Variants in ZCCHC7 observed in about 807,000 individuals in gnomAD.
ZCCHC7 encodes zinc finger CCHC-type containing 7, also known as zinc finger CCHC domain-containing protein 7.
In ZCCHC7, 35 loss-of-function variants were observed where a neutral mutation model predicts 52.0. That is an observed-to-expected ratio of 0.67 (90% confidence interval 0.51 to 0.89). The LOEUF (loss-of-function observed/expected upper bound fraction) is 0.89, where lower values mean the gene tolerates loss of function less well. Among genes scored for constraint, ZCCHC7 ranks in the 40% least tolerant of loss-of-function variants. The pLI is 0.00. For missense variants in ZCCHC7, 574 were observed against 649.1 expected (o/e 0.88, Z 1.26); for synonymous variants, 217 against 221.5 (o/e 0.98, Z 0.18).
intron 2 of ZCCHC7, among the ~76,000 whole-genome samples, chr9:37,228,930 GGTTCAAGCA>G (rs200515714): frequency 0.14 from 20,299 of 150,312 alleles, 1,672 homozygotes; most frequent in Non-Finnish European, 0.17. Flanking sequence ...CTGCCTCCCA[GGTTCAAGCA>G]GTTCTCCTGC....
intron 5 of ZCCHC7, among the ~76,000 whole-genome samples, chr9:37,310,741 A>G (rs1047677531): frequency 6.6e-6 from 1 of 152,090 alleles, no homozygotes; most frequent in East Asian, 1.9e-4. Context: ...CAACTTTAAT[A>G]TAACACTCAT....
At chr9:37,222,276 A>C (rs1423216488) in intron 2 of ZCCHC7, among the ~76,000 whole-genome samples, 3 of 151,594 alleles carry the variant, frequency 2.0e-5, no homozygotes, top group Non-Finnish European at 4.4e-5. Flanking sequence ...TAAGCTTATA[A>C]CAGTTAAGAT....
intron 2 of ZCCHC7, among the ~76,000 whole-genome samples, chr9:37,271,638 C>G (rs942879127): frequency 6.6e-6 from 1 of 152,180 alleles, no homozygotes; most frequent in Non-Finnish European, 1.5e-5. Context: ...GGCACAATCT[C>G]GGCTCACTGC....
intron 7 of ZCCHC7, among the ~76,000 whole-genome samples, chr9:37,350,392 A>G (rs1359096253): frequency 1.3e-5 from 2 of 152,092 alleles, no homozygotes; most frequent in African/African-American, 4.8e-5. Context: ...TCGGCCTCCA[A>G]AAGTGTTGGG....
chr9:37,127,015 A>G (rs1244090293), intron 2 of ZCCHC7, 73 bp downstream of exon 2: 17 of 1,532,602 alleles, frequency 1.1e-5, no homozygotes, highest in Non-Finnish European at 1.5e-5. Flanking sequence ...TAGAGAAAAG[A>G]CCAATAGGGT....
At chr9:37,346,378 A>T (rs79845619) in intron 6 of ZCCHC7, among the ~76,000 whole-genome samples, 2 of 152,152 alleles carry the variant, frequency 1.3e-5, no homozygotes, top group Non-Finnish European at 2.9e-5. Flanking sequence ...ACCTGTTTGC[A>T]ACATTAAAAA....
chr9:37,231,918 T>A (rs1303272608), intron 2 of ZCCHC7, among the ~76,000 whole-genome samples: 2 of 152,224 alleles, frequency 1.3e-5, no homozygotes, highest in South Asian at 2.1e-4. Flanking sequence ...ATTCTTAGGA[T>A]CTTTTCACTG....
intron 7 of ZCCHC7, 45 bp downstream of exon 7, chr9:37,349,497 G>A: frequency 6.4e-7 from 1 of 1,559,542 alleles, no homozygotes; most frequent in Non-Finnish European, 8.8e-7. Context: ...TGTTGTCAGG[G>A]AGTGTTTTCT....
chr9:37,257,899 C>A (rs1564207044), intron 2 of ZCCHC7, among the ~76,000 whole-genome samples: 1 of 152,102 alleles, frequency 6.6e-6, no homozygotes, highest in Non-Finnish European at 1.5e-5. Flanking sequence ...ACCAAATAAA[C>A]CCTCTTTTCT....
At chr9:37,309,210 C>CT (rs1445175874) in intron 5 of ZCCHC7, among the ~76,000 whole-genome samples, 1 of 152,166 alleles carries the variant, frequency 6.6e-6, no homozygotes, top group East Asian at 1.9e-4. Context: ...AGCCTGGGCT[C>CT]TACTGACTCC....
chr9:37,199,560 T>C, intron 2 of ZCCHC7, among the ~76,000 whole-genome samples: 1 of 152,002 alleles, frequency 6.6e-6, no homozygotes, highest in East Asian at 1.9e-4. Flanking sequence ...CTCGAACTCC[T>C]GACTTCAGGT....
intron 5 of ZCCHC7, 60 bp downstream of exon 5, chr9:37,305,774 T>C (rs1336746241): frequency 4.4e-6 from 7 of 1,578,638 alleles, no homozygotes; most frequent in Non-Finnish European, 6.1e-6. Flanking sequence ...AAGTTTGTAA[T>C]TAATGTGCAA....
chr9:37,226,173 T>G lies in ZCCHC7; in HGVS notation c.611-76015T>G, dbSNP rs73448474. The stretch of plus-strand genomic sequence containing the variant: ...TAGCAACAAACAATTGGAACTTGAA[T>G]TTTTAAATATGCCATTTTCACAGTA... On this transcript the variant is annotated intron_variant, in intron 2 of 8. Transcript: ENST00000336755. 4.3e-3 allele frequency among the ~76,000 whole-genome samples: 655 copies of G among 152,318 alleles called. 3 individuals carry two copies. The highest frequency in any genetic ancestry group is 0.015 in the African/African-American group (626 of 41,576).
chr9:37,276,051 A>C (rs572944216), intron 2 of ZCCHC7, among the ~76,000 whole-genome samples: 1 of 152,348 alleles, frequency 6.6e-6, no homozygotes, highest in South Asian at 2.1e-4. Flanking sequence ...TGATATTGTT[A>C]GTATTCTTAA....
At chr9:37,155,077 C>T (rs1036445662) in intron 2 of ZCCHC7, among the ~76,000 whole-genome samples, 28 of 151,976 alleles carry the variant, frequency 1.8e-4, no homozygotes, top group Non-Finnish European at 2.8e-4. Context: ...TTAAAGATGG[C>T]GGGCGGGGTG....
At chr9:37,337,906 AG>A (rs1830752229) in intron 6 of ZCCHC7, among the ~76,000 whole-genome samples, 1 of 152,210 alleles carries the variant, frequency 6.6e-6, no homozygotes, top group South Asian at 2.1e-4. Flanking sequence ...AAATTAAAAT[AG>A]ACGGAGGGAT....
intron 1 of ZCCHC7, among the ~76,000 whole-genome samples, chr9:37,123,555 C>T (rs1368637665): frequency 6.6e-6 from 1 of 152,178 alleles, no homozygotes; most frequent in Non-Finnish European, 1.5e-5. Context: ...GGCATACATT[C>T]ACAGGTGTGC....
intron 2 of ZCCHC7, among the ~76,000 whole-genome samples, chr9:37,268,938 T>C (rs559874758): frequency 3.7e-4 from 56 of 152,338 alleles, no homozygotes; most frequent in African/African-American, 1.3e-3. Flanking sequence ...AACAGTAGTA[T>C]GAGAGTGTAT....
chr9:37,163,385 C>CAAAA lies in ZCCHC7; in HGVS notation c.610+36459_610+36462dup, dbSNP rs1022187626. ...CCTGGGTGACAGCAAGACTCCATCT[C>CAAAA]AAAAAAAAAAAAAAAAAAAGAAAAG... is the stretch of plus-strand genomic sequence containing the variant. On this transcript the variant is annotated intron_variant, in intron 2 of 8. Transcript: ENST00000336755. Among the ~76,000 whole-genome samples the CAAAA allele has an allele frequency of 9.5e-4, 73 of 77,068 alleles. No homozygotes were observed. The Middle Eastern group carries it at 0.019, about 21-fold the overall frequency. The allele number at this position is 77,068 out of a possible 152,430, so 50.6% of individuals were successfully genotyped here.
Sources: allele counts gnomAD v4.1 joint callset (sites outside exome capture counted in the v4.1 genomes callset), GRCh38; gene constraint gnomAD v4.1.1; transcripts MANE v1.5; gene names NCBI Gene and HGNC (gene_info 2026-07-23, HGNC 2026-07-21).